Variants in ADAMTS14 observed in about 807,000 individuals in gnomAD.
ADAMTS14 encodes A disintegrin and metalloproteinase with thrombospondin motifs 14.
Under a neutral mutation model 128.6 loss-of-function variants are expected in ADAMTS14, and 100 were observed. The ratio of observed to expected loss-of-function variants is 0.78; its 90% CI spans 0.66 to 0.92. The LOEUF (loss-of-function observed/expected upper bound fraction) is 0.92, where lower values mean the gene tolerates loss of function less well. ADAMTS14 is among the 40% of genes least tolerant of loss of function. ADAMTS14 has a pLI of 0.00. For synonymous variants in ADAMTS14, 665 were observed against 653.8 expected (o/e 1.02, Z -0.26); for missense variants, 1,562 against 1,658.6 (o/e 0.94, Z 1.01).
chr10:70,724,809 A>G (rs1215968747), intron 4 of ADAMTS14, among the ~76,000 whole-genome samples: 1 of 152,178 alleles, frequency 6.6e-6, no homozygotes, highest in Non-Finnish European at 1.5e-5. Flanking sequence ...GTAGAAAGGG[A>G]ATAAAATAAA....
intron 14 of ADAMTS14, among the ~76,000 whole-genome samples, chr10:70,744,659 G>A (rs149903934): frequency 2.0e-5 from 3 of 152,220 alleles, no homozygotes; most frequent in African/African-American, 7.2e-5. Flanking sequence ...GACCAGACTT[G>A]CTGTGGAAAA....
chr10:70,704,150 A>G (rs1413797303), intron 3 of ADAMTS14, among the ~76,000 whole-genome samples: 1 of 152,150 alleles, frequency 6.6e-6, no homozygotes. Context: ...CTTTTGGGGA[A>G]TCTTCCTCAG....
At position 70,729,315 on chromosome 10, in the gene ADAMTS14, G is replaced by A. The variant is rs1012450714; in HGVS notation, c.892G>A (p.Glu298Lys). The change falls in exon 5 of 22, where the codon GAG becomes AAG. Residue 298 changes from glutamate to lysine, a missense_variant. Glu to Lys is a moderately conservative substitution (Grantham distance 56). Coordinates refer to ENST00000373207, the MANE Select transcript of ADAMTS14 (RefSeq NM_080722.4). ...MNIVDEIYHD[E>K]SLGVHINIAL... ...GCAGGTAGATGAGATTTACCACGAT[G>A]AGTCCCTGGGGGTTCATATAAATAT... is the stretch of plus-strand genomic sequence containing the variant. 3.1e-6 allele frequency: 5 copies of A among 1,613,782 alleles called. No homozygotes were observed. The African/African-American group carries it at 5.3e-5, about 17-fold the overall frequency.
intron 2 of ADAMTS14, among the ~76,000 whole-genome samples, chr10:70,697,474 G>T (rs999647529): frequency 7.2e-5 from 11 of 152,314 alleles, no homozygotes; most frequent in Admixed American, 7.2e-4. Flanking sequence ...GCTCCTCTTG[G>T]AGAACTCTTT....
chr10:70,705,357 G>A (rs1268272749), intron 3 of ADAMTS14, among the ~76,000 whole-genome samples: 1 of 152,196 alleles, frequency 6.6e-6, no homozygotes, highest in East Asian at 1.9e-4. Flanking sequence ...GACACTAATG[G>A]GGTATGTGCT....
In ADAMTS14 at chr10:70,696,874, G is replaced by A. The variant is rs551851018; in HGVS notation, c.523-5438G>A. Among the ~76,000 whole-genome samples, 350 of 152,244 alleles carry A rather than the reference G, an allele frequency of 2.3e-3. 1 individual carries two copies. The highest frequency in any genetic ancestry group is 7.9e-3 in the African/African-American group (330 of 41,534). On this transcript the variant is annotated intron_variant, in intron 2 of 21. Transcript: ENST00000373207. The stretch of plus-strand genomic sequence containing the variant: ...TGCAGATGCAGGTGGCCCTGTTGAG[G>A]GGAAGCAGCCACCCATTGAGGAATC...
rs1842547714 is a variant in ADAMTS14, at chr10:70,759,129, TAC to T, written c.3178+845_3178+846del. ...AAAGGACCTTCTACCTCCAATCTTCTACTTCTCTGCTCCTAGGCTGAGGTTCT... is the reference window on the plus strand; with the variant it reads ...AAAGGACCTTCTACCTCCAATCTTCTTTCTCTGCTCCTAGGCTGAGGTTCT... On this transcript the variant is annotated intron_variant, in intron 21 of 21. Transcript: ENST00000373207. Among the ~76,000 whole-genome samples the T allele has an allele frequency of 2.7e-4, 30 of 112,586 alleles. 1 individual carries two copies. Among genetic ancestry groups the T allele is most frequent in the Non-Finnish European group, 3.3e-4 (18 of 53,780 alleles). The allele number at this position is 112,586 out of a possible 152,430, so 73.9% of individuals were successfully genotyped here.
rs1178342890 is a variant in ADAMTS14 at position 70,672,778 on chromosome 10, C to T, written c.-25C>T. 2 of 1,494,898 alleles carry T rather than the reference C, an allele frequency of 1.3e-6. No individual in the cohort carries two copies. Among genetic ancestry groups the T allele is most frequent in the Non-Finnish European group, 1.8e-6 (2 of 1,126,892 alleles). 92.6% of individuals were successfully genotyped at this position (1,494,898 alleles called of 1,614,324 possible). On this transcript the variant is annotated 5_prime_UTR_variant, in exon 1 of 22. Coordinates refer to ENST00000373207, the MANE Select transcript of ADAMTS14 (RefSeq NM_080722.4). Reference sequence around the variant, plus strand: ...TGGGACTTGGGGATCGGGCGCTTGCCCAGCCCGCGTCCCAGCGCGGCCACA... The same window carrying T: ...TGGGACTTGGGGATCGGGCGCTTGCTCAGCCCGCGTCCCAGCGCGGCCACA...
At chr10:70,730,673 C>T (rs1225040374) in intron 6 of ADAMTS14, among the ~76,000 whole-genome samples, 4 of 152,202 alleles carry the variant, frequency 2.6e-5, no homozygotes, top group Admixed American at 2.6e-4. Context: ...CACACCTTGC[C>T]AACCCAGTGG....
intron 3 of ADAMTS14, among the ~76,000 whole-genome samples, chr10:70,706,535 G>A (rs1199681508): frequency 6.6e-6 from 1 of 152,186 alleles, no homozygotes; most frequent in African/African-American, 2.4e-5. Context: ...TTTGGCTGTG[G>A]GCTGCTGCGC....
chr10:70,726,213 C>T (rs551305538), intron 4 of ADAMTS14, among the ~76,000 whole-genome samples: 1 of 152,366 alleles, frequency 6.6e-6, no homozygotes, highest in Non-Finnish European at 1.5e-5. Flanking sequence ...CAGCCCCCTG[C>T]CCAGTCCCAC....
At chr10:70,758,484 G>A (rs904987306) in intron 21 of ADAMTS14, among the ~76,000 whole-genome samples, 199 bp downstream of exon 21, 1 of 152,156 alleles carries the variant, frequency 6.6e-6, no homozygotes, top group African/African-American at 2.4e-5. Flanking sequence ...ATTCCAAAAT[G>A]TTTATTTCTA....
chr10:70,688,899 GAGGGA>G lies in ADAMTS14; in HGVS notation c.523-13412_523-13408del, dbSNP rs1281633025. ...GGAGGGGGAGGGGGAGGGGGAGGGAGAGGGAGAGCCTTTGCTTTTAAGCCAGCCAC... is the reference window on the plus strand; with the variant it reads ...GGAGGGGGAGGGGGAGGGGGAGGGAGGAGCCTTTGCTTTTAAGCCAGCCAC... On this transcript the variant is annotated intron_variant, in intron 2 of 21. Coordinates refer to ENST00000373207, the MANE Select transcript of ADAMTS14 (RefSeq NM_080722.4). Among the ~76,000 whole-genome samples, 118 of 61,040 alleles carry G rather than the reference GAGGGA, an allele frequency of 1.9e-3. 38 individuals carry two copies. Among genetic ancestry groups the G allele is most frequent in the Admixed American group, 0.015 (63 of 4,096 alleles). The allele number at this position is 61,040 out of a possible 152,430, so 40.0% of individuals were successfully genotyped here. A position where few individuals can be genotyped will look rare whatever the true frequency, so the allele number is the denominator to read the frequency against.
intron 16 of ADAMTS14, 43 bp from the exon 17 acceptor site, chr10:70,751,435 G>A: frequency 6.3e-7 from 1 of 1,580,400 alleles, no homozygotes; most frequent in East Asian, 2.3e-5. Context: ...TGCCGCCCTT[G>A]CTTCTTTCTC....
chr10:70,716,221 GC>G (rs1841035789), intron 4 of ADAMTS14, among the ~76,000 whole-genome samples: 1 of 152,216 alleles, frequency 6.6e-6, no homozygotes, highest in Non-Finnish European at 1.5e-5. Flanking sequence ...CTGGAAGGCC[GC>G]TAGAGGCTAG....
At position 70,672,898 on chromosome 10, in the gene ADAMTS14, G is replaced by A; in HGVS notation, c.82+14G>A. 6.9e-7 allele frequency: 1 copy of A among 1,455,182 alleles called. No individual in the cohort carries two copies. Among genetic ancestry groups the A allele is most frequent in the East Asian group, 2.9e-5 (1 of 34,762 alleles). The allele number at this position is 1,455,182 out of a possible 1,614,324, so 90.1% of individuals were successfully genotyped here. ...GCCGGACCCCAGGTGCGTGCGGGTTGGGCGCGCGGGGGCCCGTGGGGTCCG... is the reference window on the plus strand; with the variant it reads ...GCCGGACCCCAGGTGCGTGCGGGTTAGGCGCGCGGGGGCCCGTGGGGTCCG... On this transcript the variant is annotated intron_variant, in intron 1 of 21. Coordinates refer to ENST00000373207, the MANE Select transcript of ADAMTS14 (RefSeq NM_080722.4).
chr10:70,695,477 A>G (rs1564524729), intron 2 of ADAMTS14, among the ~76,000 whole-genome samples: 1 of 152,104 alleles, frequency 6.6e-6, no homozygotes, highest in Non-Finnish European at 1.5e-5. Context: ...ATCAGAGACA[A>G]CAGCCCCGGA....
intron 2 of ADAMTS14, among the ~76,000 whole-genome samples, chr10:70,697,499 C>T (rs1840363563): frequency 6.6e-6 from 1 of 152,230 alleles, no homozygotes; most frequent in Non-Finnish European, 1.5e-5. Context: ...GCTCCAGGTA[C>T]CCTTGCCTCC....
rs1180769635 is a variant in ADAMTS14, at chr10:70,760,700, T to C, written c.3519T>C (p.Pro1173=). 1 of 1,614,104 alleles carries C rather than the reference T, an allele frequency of 6.2e-7. No homozygotes were observed. Among genetic ancestry groups the C allele is most frequent in the Non-Finnish European group, 8.5e-7 (1 of 1,179,978 alleles). ...CCTTTGCCCCTGAGACACCAATCCC[T>C]GGAGCATCCTGGAGCATCTCCCCTA... ...QHPFAPETPI[P]GASWSISPTT... is the part of the protein sequence containing the mutation. The change falls in exon 22 of 22, where the codon CCT becomes CCC. Residue 1173 remains proline (P), a synonymous_variant. Transcript: ENST00000373207.
Sources: gnomAD v4.1 joint callset for allele counts (sites outside exome capture counted in the v4.1 genomes callset) on GRCh38, gnomAD v4.1.1 for gene constraint, MANE v1.5 for transcripts, NCBI Gene and HGNC (gene_info 2026-07-23, HGNC 2026-07-21) for gene names.